The following UGT1A9 variants were observed in gnomAD, a reference collection of about 807,000 sequenced individuals.
UGT1A9 encodes the protein UDP-glucuronosyltransferase 1A9.
Under a neutral mutation model 45.0 loss-of-function variants are expected in UGT1A9, and 35 were observed. That is an observed-to-expected ratio of 0.78 (90% confidence interval 0.59 to 1.03). UGT1A9 has a LOEUF of 1.03. Among genes scored for constraint, UGT1A9 ranks in the 50% least tolerant of loss-of-function variants. The probability of loss-of-function intolerance (pLI) is 0.00; values close to 1 mark genes in which losing one functional copy is unlikely to be tolerated. For synonymous variants in UGT1A9, 278 were observed against 250.6 expected, an observed-to-expected ratio of 1.11 and a Z score of -1.03; for missense variants, 687 against 666.6, an observed-to-expected ratio of 1.03 and a Z score of -0.34.
rs1019619995 is a variant in UGT1A9 at position 233,673,310 on chromosome 2, T to C, written c.855+521T>C. On this transcript the variant is annotated intron_variant, in intron 1 of 4. Transcript: ENST00000354728. Reference sequence around the variant, plus strand: ...ACCTTTATAGACCAATACAGACAGATTTGACAAGTTCTATTAATAATTGCA... The same window carrying C: ...ACCTTTATAGACCAATACAGACAGACTTGACAAGTTCTATTAATAATTGCA... Among the ~76,000 whole-genome samples, 6 of 152,200 alleles carry C rather than the reference T, an allele frequency of 3.9e-5. 1 individual carries two copies. The highest frequency in any genetic ancestry group is 8.8e-5 in the Non-Finnish European group (6 of 68,018).
intron 1 of UGT1A9, among the ~76,000 whole-genome samples, chr2:233,680,428 A>G (rs2074486434): frequency 6.6e-6 from 1 of 152,198 alleles, no homozygotes. Flanking sequence ...GTAGTGTAGT[A>G]TGTACTAGAG....
chr2:233,693,106 G>A, intron 1 of UGT1A9: 1 of 1,614,158 alleles, frequency 6.2e-7, no homozygotes, highest in Non-Finnish European at 8.5e-7. Context: ...TGGTCCCTCA[G>A]GACGGAAGCC....
At chr2:233,729,400 C>T in intron 1 of UGT1A9, 2 of 1,613,754 alleles carry the variant, frequency 1.2e-6, no homozygotes, top group South Asian at 2.2e-5. Context: ...ATTTGATCGC[C>T]ATGTGCTGGG....
chr2:233,753,949 C>T (rs1032633055), intron 1 of UGT1A9, among the ~76,000 whole-genome samples: 3 of 152,164 alleles, frequency 2.0e-5, no homozygotes, highest in African/African-American at 7.2e-5. Context: ...GTATGACCTC[C>T]AAAATATTAA....
intron 1 of UGT1A9, among the ~76,000 whole-genome samples, chr2:233,702,723 C>T (rs2075703214): frequency 6.6e-6 from 1 of 152,078 alleles, no homozygotes; most frequent in Admixed American, 6.5e-5. Flanking sequence ...TTGAAATGAA[C>T]ATGGTTTTCT....
intron 1 of UGT1A9, among the ~76,000 whole-genome samples, chr2:233,707,826 T>C (rs1049405798): frequency 1.3e-5 from 2 of 152,232 alleles, no homozygotes; most frequent in African/African-American, 2.4e-5. Context: ...ATATCATTAA[T>C]TTAATAAGAT....
intron 1 of UGT1A9, among the ~76,000 whole-genome samples, chr2:233,709,916 C>T (rs1451776215): frequency 6.6e-6 from 1 of 152,228 alleles, no homozygotes; most frequent in African/African-American, 2.4e-5. Flanking sequence ...AATACCTCCC[C>T]TCACCTTAGG....
In UGT1A9 at chr2:233,768,243, A is replaced by G. The variant is rs748989741; in HGVS notation, c.1099A>G (p.Ile367Val). 8 of 1,614,146 alleles carry G rather than the reference A, an allele frequency of 5.0e-6. No individual in the cohort carries two copies. In the South Asian group the frequency reaches 7.7e-5, roughly 16 times the overall value. Residue 367 changes from isoleucine (I) to valine (V), a missense_variant, in exon 4 of 5, where the codon ATC (isoleucine) becomes GTC (valine). Ile to Val is a conservative substitution (Grantham distance 29). Transcript: ENST00000354728. ...LLGHPMTRAF[I>V]THAGSHGVYE... is the part of the protein sequence containing the mutation. ...AGGTCACCCGATGACCCGTGCCTTT[A>G]TCACCCATGCTGGTTCCCATGGTGT...
intron 1 of UGT1A9, among the ~76,000 whole-genome samples, chr2:233,680,079 T>G (rs1274502000): frequency 6.6e-6 from 1 of 152,184 alleles, no homozygotes; most frequent in East Asian, 1.9e-4. Flanking sequence ...CTTCATTGAT[T>G]TTGAAATGGC....
chr2:233,688,675 A>T (rs10173355), intron 1 of UGT1A9, among the ~76,000 whole-genome samples: 45,631 of 152,028 alleles, frequency 0.3, 7,184 homozygotes, highest in South Asian at 0.4. Context: ...GCTCTTTTTT[A>T]AAAAATTTAA....
intron 1 of UGT1A9, among the ~76,000 whole-genome samples, chr2:233,724,747 C>T (rs1469881894): frequency 7.0e-6 from 1 of 143,144 alleles, no homozygotes; most frequent in Admixed American, 7.0e-5. Context: ...TCCTCACATC[C>T]CAGACGATGG....
At chr2:233,739,309 A>G (rs1691043770) in intron 1 of UGT1A9, among the ~76,000 whole-genome samples, 1 of 152,132 alleles carries the variant, frequency 6.6e-6, no homozygotes. Flanking sequence ...TGCCTAGTGG[A>G]GTTGTGAGAA....
rs2126038220 is a variant in UGT1A9, at chr2:233,768,440, G to T, written c.1295+1G>T. ...TAAAAGCAGTCATCAATGACAAAAG[G>T]TAAGAAAGAAGATACAGAAGAATAC... On this transcript the variant is annotated splice_donor_variant, in intron 4 of 4. Coordinates refer to ENST00000354728, the MANE Select transcript of UGT1A9 (RefSeq NM_021027.3). LOFTEE classifies it high-confidence loss of function. 1.2e-6 allele frequency: 2 copies of T among 1,613,446 alleles called. No individual in the cohort carries two copies. Among genetic ancestry groups the T allele is most frequent in the Non-Finnish European group, 1.7e-6 (2 of 1,179,672 alleles).
intron 1 of UGT1A9, chr2:233,729,480 C>T (rs2077866631): frequency 1.9e-6 from 3 of 1,614,046 alleles, no homozygotes; most frequent in South Asian, 1.1e-5. Context: ...CAATGTTGAA[C>T]AATATGTCTT....
chr2:233,768,568 G>A, intron 4 of UGT1A9, 129 bp downstream of exon 4: 1 of 1,402,764 alleles, frequency 7.1e-7, no homozygotes, highest in Non-Finnish European at 9.3e-7. Context: ...TAAAAATCTG[G>A]ATTTTTATTT....
At chr2:233,732,348 G>A (rs2078262793) in intron 1 of UGT1A9, among the ~76,000 whole-genome samples, 1 of 152,214 alleles carries the variant, frequency 6.6e-6, no homozygotes, top group Non-Finnish European at 1.5e-5. Context: ...TGGTGTTTTA[G>A]TCATGAAGTC....
chr2:233,672,205 A>G lies in UGT1A9; in HGVS notation c.271A>G (p.Lys91Glu), dbSNP rs1340478059. Residue 91 changes from lysine (K) to glutamate (E), a missense_variant, in exon 1 of 5, where the codon AAG becomes GAG. Physicochemically the swap from Lys to Glu is moderately conservative, Grantham distance 56 (BLOSUM62 1). Coordinates refer to ENST00000354728, the MANE Select transcript of UGT1A9 (RefSeq NM_021027.3). ...CCTGGAGGATCTGGACCGGGAGTTC[A>G]AGGCTTTTGCCCATGCTCAATGGAA... is the stretch of plus-strand genomic sequence containing the variant. ...YTLEDLDREF[K>E]AFAHAQWKAQ... 3 of 1,614,114 alleles carry G rather than the reference A, an allele frequency of 1.9e-6. No individual in the cohort carries two copies. Among genetic ancestry groups the G allele is most frequent in the South Asian group, 1.1e-5 (1 of 91,090 alleles).
chr2:233,711,602 GC>G (rs2125624733), intron 1 of UGT1A9, among the ~76,000 whole-genome samples: 1 of 152,258 alleles, frequency 6.6e-6, no homozygotes, highest in African/African-American at 2.4e-5. Context: ...TCCTGCCTGC[GC>G]CCTCTGGTGG....
rs1224727482 is a variant in UGT1A9, at chr2:233,769,496, T to C, written c.1295+1057T>C. 1 of 1,612,570 alleles carries C rather than the reference T, an allele frequency of 6.2e-7. No homozygotes were observed. The highest frequency in any genetic ancestry group is 8.5e-7 in the Non-Finnish European group (1 of 1,179,780). Reference sequence around the variant, plus strand: ...GTGTGTGTGCGTGTGTTTATGAGAGTGTCCATTGCTTTCTCCCATGGTTAC... The same window carrying C: ...GTGTGTGTGCGTGTGTTTATGAGAGCGTCCATTGCTTTCTCCCATGGTTAC... On this transcript the variant is annotated intron_variant, in intron 4 of 4. Coordinates refer to ENST00000354728, the MANE Select transcript of UGT1A9 (RefSeq NM_021027.3). The surrounding 1 kb of genome is among the most constrained non-coding windows in gnomAD (Gnocchi z 4.4).
Sources: gnomAD v4.1 joint callset for allele counts (sites outside exome capture counted in the v4.1 genomes callset) on GRCh38, gnomAD v4.1.1 for gene constraint, Gnocchi (gnomAD v3.1) non-coding constraint, MANE v1.5 for transcripts, NCBI Gene and HGNC (gene_info 2026-07-23, HGNC 2026-07-21) for gene names.